Variants in DNAJC6 observed in about 807,000 individuals in gnomAD.
The protein encoded by DNAJC6 is auxilin.
In DNAJC6, 34 loss-of-function variants were observed where a neutral mutation model predicts 110.0. The observed-to-expected ratio is 0.31, with a 90% CI of 0.24 to 0.41. The LOEUF is 0.41. DNAJC6 is among the 10% of genes least tolerant of loss of function. The pLI is 1.00. For missense variants in DNAJC6, 1,031 were observed against 1,207.8 expected, an observed-to-expected ratio of 0.85 and a Z score of 2.17; for synonymous variants, 406 against 437.2, an observed-to-expected ratio of 0.93 and a Z score of 0.89.
intron 1 of DNAJC6, among the ~76,000 whole-genome samples, chr1:65,333,949 A>G: frequency 6.6e-6 from 1 of 152,264 alleles, no homozygotes; most frequent in Admixed American, 6.5e-5. Flanking sequence ...TTTGCAAAGT[A>G]ACCATAAGGC....
chr1:65,295,824 A>G (rs989678220), intron 1 of DNAJC6, among the ~76,000 whole-genome samples: 1 of 152,070 alleles, frequency 6.6e-6, no homozygotes, highest in Non-Finnish European at 1.5e-5. Flanking sequence ...TTTTCCTCCT[A>G]TCATTGCTTC....
rs550468688 is a variant in DNAJC6, at chr1:65,380,355, A to G, written c.666+831A>G. ...TTAAAGCTTCTATAAACTTTAGTGT[A>G]TATGTTTTTGCTATAGTATTACTTG... On this transcript the variant is annotated intron_variant, in intron 5 of 18. Coordinates refer to ENST00000371069, the MANE Select transcript of DNAJC6 (RefSeq NM_001256864.2). Among the ~76,000 whole-genome samples the G allele has an allele frequency of 4.6e-5, 7 of 152,336 alleles. No individual in the cohort carries two copies. In the East Asian group the frequency reaches 1.3e-3, roughly 29 times the overall value.
chr1:65,332,082 G>A (rs1375312588), intron 1 of DNAJC6, among the ~76,000 whole-genome samples: 1 of 152,104 alleles, frequency 6.6e-6, no homozygotes, highest in Non-Finnish European at 1.5e-5. Flanking sequence ...GCTTTGCTGT[G>A]TCTGGTTAGA....
intron 1 of DNAJC6, among the ~76,000 whole-genome samples, chr1:65,360,730 G>A (rs1356028121): frequency 2.0e-5 from 3 of 152,138 alleles, no homozygotes; most frequent in South Asian, 2.1e-4. Flanking sequence ...AACACTAGCC[G>A]TAGTCTGTGG....
At position 65,364,614 on chromosome 1, in the gene DNAJC6, GTTTT is replaced by G; in HGVS notation, c.194-9_194-6del. The G allele has an allele frequency of 3.5e-6, 5 of 1,424,402 alleles. No homozygotes were observed. In the South Asian group the frequency reaches 4.2e-5, roughly 12 times the overall value. 88.2% of individuals were successfully genotyped at this position (1,424,402 alleles called of 1,614,324 possible). On this transcript the variant is annotated splice_polypyrimidine_tract_variant and intron_variant, in intron 1 of 18. Coordinates refer to ENST00000371069, the MANE Select transcript of DNAJC6 (RefSeq NM_001256864.2). Reference sequence around the variant, plus strand: ...CTGCCATCACCATTTTTGTTTGTTTGTTTTTTTTTTTTTTTGGCAGGTGCCTCAT... The same window carrying G: ...CTGCCATCACCATTTTTGTTTGTTTGTTTTTTTTTTTGGCAGGTGCCTCAT...
In DNAJC6 at chr1:65,316,387, C is replaced by G. The variant is rs112726496; in HGVS notation, c.193+6449C>G. On this transcript the variant is annotated intron_variant, in intron 1 of 18. Coordinates refer to ENST00000371069, the MANE Select transcript of DNAJC6 (RefSeq NM_001256864.2). The stretch of plus-strand genomic sequence containing the variant: ...AGCTCAGATATTCCTTAATCGCAGG[C>G]TGCATGCAATGGTCATTCTCCATGC... Among the ~76,000 whole-genome samples, 585 of 152,316 alleles carry G rather than the reference C, an allele frequency of 3.8e-3. 1 individual carries two copies. The highest frequency in any genetic ancestry group is 0.013 in the African/African-American group (555 of 41,568).
chr1:65,363,398 G>A (rs910052768), intron 1 of DNAJC6, among the ~76,000 whole-genome samples: 1 of 148,688 alleles, frequency 6.7e-6, no homozygotes, highest in Admixed American at 6.8e-5. Context: ...GGCAAAGGGA[G>A]AGAGAAATAC....
chr1:65,356,441 G>A (rs1645544224), intron 1 of DNAJC6, among the ~76,000 whole-genome samples: 1 of 151,900 alleles, frequency 6.6e-6, no homozygotes, highest in African/African-American at 2.4e-5. Flanking sequence ...GTGCATGCCT[G>A]TAATCCCAGC....
chr1:65,370,702 G>T (rs762886778), intron 4 of DNAJC6, among the ~76,000 whole-genome samples: 2 of 152,150 alleles, frequency 1.3e-5, no homozygotes, highest in Admixed American at 6.6e-5. Flanking sequence ...GTTGTTTTAG[G>T]CTCTACCCTC....
intron 1 of DNAJC6, among the ~76,000 whole-genome samples, chr1:65,361,673 GGAACACA>G (rs1645598689): frequency 6.6e-6 from 1 of 152,174 alleles, no homozygotes; most frequent in Non-Finnish European, 1.5e-5. Context: ...ATAGAGTGAA[GGAACACA>G]TATGTACTAG....
intron 1 of DNAJC6, among the ~76,000 whole-genome samples, chr1:65,265,784 T>G (rs569982691): frequency 6.6e-6 from 1 of 152,226 alleles, no homozygotes; most frequent in East Asian, 1.9e-4. Context: ...TCCTTCCTAT[T>G]GCGCTGGTCG....
At chr1:65,361,404 A>C (rs1335359647) in intron 1 of DNAJC6, among the ~76,000 whole-genome samples, 3 of 152,166 alleles carry the variant, frequency 2.0e-5, no homozygotes, top group African/African-American at 7.2e-5. Context: ...AATAGCTCTT[A>C]AGATCAGGAT....
chr1:65,289,441 G>A (rs1024573190), intron 1 of DNAJC6, among the ~76,000 whole-genome samples: 5 of 152,034 alleles, frequency 3.3e-5, no homozygotes, highest in African/African-American at 7.2e-5. Flanking sequence ...TGATCCACCC[G>A]CCTTGGCCAC....
At chr1:65,367,930 A>G (rs991642022) in intron 4 of DNAJC6, among the ~76,000 whole-genome samples, 8 of 150,054 alleles carry the variant, frequency 5.3e-5, no homozygotes, top group Non-Finnish European at 1.0e-4. Context: ...TAGATAATCA[A>G]TGTTTTTAAA....
intron 5 of DNAJC6, 94 bp downstream of exon 5, chr1:65,379,618 A>T (rs760035549): frequency 1.3e-6 from 2 of 1,502,822 alleles, no homozygotes; most frequent in African/African-American, 1.4e-5. Context: ...TTTGAGTTCA[A>T]TAGGATTTAC....
intron 1 of DNAJC6, among the ~76,000 whole-genome samples, chr1:65,330,877 A>T (rs574468509): frequency 3.3e-5 from 5 of 152,160 alleles, no homozygotes; most frequent in Non-Finnish European, 7.4e-5. Context: ...TCTTTAGGGT[A>T]TTACTCTCTT....
At chr1:65,319,066 C>T (rs964364766) in intron 1 of DNAJC6, among the ~76,000 whole-genome samples, 2 of 152,112 alleles carry the variant, frequency 1.3e-5, no homozygotes, top group African/African-American at 4.8e-5. Context: ...AAAAGTCAGC[C>T]TGGGGAAGCA....
intron 1 of DNAJC6, among the ~76,000 whole-genome samples, chr1:65,275,346 G>A (rs1653634740): frequency 6.6e-6 from 1 of 152,182 alleles, no homozygotes; most frequent in Admixed American, 6.5e-5. Context: ...ATTTTACTAG[G>A]TGTATAGAAT....
At chr1:65,407,751 A>G (rs1266218849) in intron 16 of DNAJC6, among the ~76,000 whole-genome samples, 3 of 152,216 alleles carry the variant, frequency 2.0e-5, no homozygotes, top group Non-Finnish European at 4.4e-5. Context: ...TGCAGCAGGG[A>G]ACAAGAAACA....
Sources: allele counts gnomAD v4.1 joint callset (sites outside exome capture counted in the v4.1 genomes callset), GRCh38; gene constraint gnomAD v4.1.1; transcripts MANE v1.5; gene names NCBI Gene and HGNC (gene_info 2026-07-23, HGNC 2026-07-21).